DNAJC11: variants seen among roughly 807,000 people sequenced by gnomAD.
The protein encoded by DNAJC11 is dnaJ homolog subfamily C member 11.
DNAJC11 carries 15 observed loss-of-function variants against 78.6 expected under a neutral mutation model. The ratio of observed to expected loss-of-function variants is 0.19; its 90% CI spans 0.13 to 0.29. The LOEUF is 0.29. DNAJC11 is among the 10% of genes least tolerant of loss of function. The pLI, the probability that DNAJC11 is intolerant of heterozygous loss-of-function variation, is 1.00. For synonymous variants in DNAJC11, 292 were observed against 272.1 expected (o/e 1.07, Z -0.72); for missense variants, 547 against 709.6 (o/e 0.77, Z 2.60).
chr1:6,690,201 AAT>A (rs367633053), intron 1 of DNAJC11, among the ~76,000 whole-genome samples: 2 of 151,592 alleles, frequency 1.3e-5, no homozygotes, highest in Admixed American at 6.6e-5. Context: ...AGGCGTTTAC[AAT>A]ATATATATAT....
Position 6,634,210 on chromosome 1 carries a change from C to A in DNAJC11, c.*1465G>T. 1 of 976,966 alleles carries A rather than the reference C, an allele frequency of 1.0e-6. No individual in the cohort carries two copies. The highest frequency in any genetic ancestry group is 1.5e-6 in the Non-Finnish European group (1 of 651,506). The allele number at this position is 976,966 out of a possible 1,614,324, so 60.5% of individuals were successfully genotyped here. On this transcript the variant is annotated 3_prime_UTR_variant, in exon 16 of 16. Coordinates refer to ENST00000377577, the MANE Select transcript of DNAJC11 (RefSeq NM_018198.4). ...TTTATTGTGGTGAGTGCCTTCTGTA[C>A]AGTCGACTGCAAATGAAACGCAGAG...
intron 9 of DNAJC11, 143 bp downstream of exon 9, chr1:6,644,898 C>A: frequency 3.4e-6 from 3 of 876,612 alleles, no homozygotes; most frequent in Non-Finnish European, 1.9e-6. Context: ...AAATCCCCCA[C>A]AGCCTCAAAA....
At chr1:6,678,573 T>C (rs1642506636) in intron 2 of DNAJC11, 106 bp from the exon 3 acceptor site, 2 of 872,970 alleles carry the variant, frequency 2.3e-6, no homozygotes, top group East Asian at 2.6e-5. Context: ...TCTCCCTGTC[T>C]GATCACAATC....
At chr1:6,698,948 TATATTTATATATAA>T (rs1642883020) in intron 1 of DNAJC11, among the ~76,000 whole-genome samples, 1 of 147,530 alleles carries the variant, frequency 6.8e-6, no homozygotes, top group African/African-American at 2.5e-5. Flanking sequence ...TATAAATATA[TATATTTATATATAA>T]ATATTTATAT....
chr1:6,656,191 A>C (rs886873495), intron 4 of DNAJC11, among the ~76,000 whole-genome samples: 3 of 152,114 alleles, frequency 2.0e-5, no homozygotes, highest in African/African-American at 7.2e-5. Flanking sequence ...GGGGAAAAAA[A>C]CCATACAAAA....
chr1:6,670,014 T>C (rs1349955180), intron 3 of DNAJC11, among the ~76,000 whole-genome samples: 1 of 151,538 alleles, frequency 6.6e-6, no homozygotes. Context: ...AGTGCGGTGG[T>C]GCGATCTCAG....
chr1:6,662,865 T>C (rs1160364943), intron 4 of DNAJC11, among the ~76,000 whole-genome samples: 3 of 152,098 alleles, frequency 2.0e-5, no homozygotes, highest in African/African-American at 7.2e-5. Flanking sequence ...CCTTCCACAC[T>C]GTGGAAGCTT....
In DNAJC11 at chr1:6,635,637, AT is replaced by A; in HGVS notation, c.*37del. The A allele has an allele frequency of 6.2e-7, 1 of 1,611,802 alleles. No homozygotes were observed. On this transcript the variant is annotated 3_prime_UTR_variant, in exon 16 of 16. Coordinates refer to ENST00000377577, the MANE Select transcript of DNAJC11 (RefSeq NM_018198.4). ...CAAATTTGTAGACTCCCAGGAAAAG[AT>A]TTTTTGCGGCCTTTTAAAAATCTGG... is the stretch of plus-strand genomic sequence containing the variant.
chr1:6,677,816 T>TC (rs2147877367), intron 3 of DNAJC11, among the ~76,000 whole-genome samples: 2 of 152,318 alleles, frequency 1.3e-5, no homozygotes, highest in East Asian at 3.9e-4. Context: ...GGGCGACACA[T>TC]TTGCTATATA....
intron 4 of DNAJC11, among the ~76,000 whole-genome samples, chr1:6,658,731 T>C (rs559293111): frequency 2.0e-3 from 303 of 152,344 alleles, no homozygotes; most frequent in African/African-American, 7.1e-3. Flanking sequence ...AAATTCTTTA[T>C]AGGCCTATTT....
chr1:6,696,888 C>T lies in DNAJC11; in HGVS notation c.72+4841G>A, dbSNP rs143297133. Among the ~76,000 whole-genome samples the T allele has an allele frequency of 1.8e-4, 28 of 152,300 alleles. No individual in the cohort carries two copies. In the East Asian group the frequency reaches 4.8e-3, roughly 26 times the overall value. On this transcript the variant is annotated intron_variant, in intron 1 of 15. Coordinates refer to ENST00000377577, the MANE Select transcript of DNAJC11 (RefSeq NM_018198.4). ...GTCTTCAAACAGGTTACAAACACTG[C>T]AAAAATGAAATTCTTTCAAAGACAA...
At chr1:6,649,324 C>T (rs925178059) in intron 7 of DNAJC11, among the ~76,000 whole-genome samples, 1 of 152,072 alleles carries the variant, frequency 6.6e-6, no homozygotes, top group Non-Finnish European at 1.5e-5. Flanking sequence ...CGCCCGCCAC[C>T]GCTCCCGGCT....
chr1:6,645,664 A>G lies in DNAJC11; in HGVS notation c.894+125T>C. 1 of 1,105,994 alleles carries G rather than the reference A, an allele frequency of 9.0e-7. No individual in the cohort carries two copies. Among genetic ancestry groups the G allele is most frequent in the Non-Finnish European group, 1.3e-6 (1 of 768,582 alleles). The allele number at this position is 1,105,994 out of a possible 1,614,324, so 68.5% of individuals were successfully genotyped here. A position where few individuals can be genotyped will look rare whatever the true frequency, so the allele number is the denominator to read the frequency against. Reference sequence around the variant, plus strand: ...TGTGAGCACCGAGAGCCTGCCCCTCAGGGCCCTGTATGGGCTTAGACTTAG... The same window carrying G: ...TGTGAGCACCGAGAGCCTGCCCCTCGGGGCCCTGTATGGGCTTAGACTTAG... On this transcript the variant is annotated intron_variant, in intron 8 of 15. Coordinates refer to ENST00000377577, the MANE Select transcript of DNAJC11 (RefSeq NM_018198.4). This position sits in a 1 kb window ranked among gnomAD's most constrained non-coding sequence, Gnocchi z 4.1.
chr1:6,665,862 C>A (rs1642286029), intron 4 of DNAJC11, among the ~76,000 whole-genome samples: 1 of 149,588 alleles, frequency 6.7e-6, no homozygotes, highest in African/African-American at 2.6e-5. Flanking sequence ...CCACCTCCCC[C>A]ATCCCACCTC....
intron 4 of DNAJC11, among the ~76,000 whole-genome samples, chr1:6,662,121 G>GTTTT (rs1185007632): frequency 3.9e-4 from 19 of 48,224 alleles, no homozygotes; most frequent in African/African-American, 7.9e-4. Flanking sequence ...CCAGTTAATT[G>GTTTT]TTTTTTGTTT....
chr1:6,665,996 A>C (rs889193395), intron 4 of DNAJC11, among the ~76,000 whole-genome samples: 1 of 152,040 alleles, frequency 6.6e-6, no homozygotes, highest in African/African-American at 2.4e-5. Flanking sequence ...AATTATCCTA[A>C]ACTCCCTGGC....
intron 1 of DNAJC11, among the ~76,000 whole-genome samples, chr1:6,694,604 C>T (rs1001083333): frequency 5.9e-5 from 9 of 151,980 alleles, no homozygotes; most frequent in African/African-American, 2.2e-4. Context: ...ACCTGCTTTT[C>T]GGCTGCACCT....
chr1:6,648,698 C>T (rs201170), intron 7 of DNAJC11, among the ~76,000 whole-genome samples: 29,847 of 152,032 alleles, frequency 0.2, 3,381 homozygotes, highest in Admixed American at 0.31. Flanking sequence ...CTCAAGTGAT[C>T]GTCTCACCTG....
intron 3 of DNAJC11, among the ~76,000 whole-genome samples, chr1:6,673,237 C>T (rs535242444): frequency 6.8e-6 from 1 of 147,264 alleles, no homozygotes; most frequent in South Asian, 2.2e-4. Flanking sequence ...AAAACCGACT[C>T]AGCCCAGGAG....
Sources: allele counts gnomAD v4.1 joint callset (sites outside exome capture counted in the v4.1 genomes callset), GRCh38; gene constraint gnomAD v4.1.1; non-coding constraint Gnocchi (gnomAD v3.1); transcripts MANE v1.5; gene names NCBI Gene and HGNC (gene_info 2026-07-23, HGNC 2026-07-21).